OR4D9: variants seen among roughly 807,000 people sequenced by gnomAD.
The protein encoded by OR4D9 is olfactory receptor family 4 subfamily D member 9.
Under a neutral mutation model 0.8 loss-of-function variants are expected in OR4D9, and 2 were observed. The ratio of observed to expected loss-of-function variants is 2.58; its 90% CI spans 1.06 to 8.13. The LOEUF is 8.13. Ranked by LOEUF, OR4D9 falls within the 30% of genes most tolerant of loss-of-function variation. OR4D9 has a pLI of 0.04. For synonymous variants in OR4D9, 146 were observed against 151.2 expected (o/e 0.97, Z 0.25); for missense variants, 399 against 384.7 (o/e 1.04, Z -0.31).
chr11:59,514,903 C>T lies in OR4D9; in HGVS notation c.-10C>T. On this transcript the variant is annotated 5_prime_UTR_variant, in exon 3 of 3. Coordinates refer to ENST00000641962, the MANE Select transcript of OR4D9 (RefSeq NM_001004711.2). ...TCCAGAGATGAACCTGATAAAGGAT[C>T]TGTGATTCAATGGATCAGAGAAATT... 3 of 1,540,282 alleles carry T rather than the reference C, an allele frequency of 1.9e-6. No homozygotes were observed. Among genetic ancestry groups the T allele is most frequent in the Non-Finnish European group, 1.8e-6 (2 of 1,118,772 alleles).
rs768644250 is a variant in OR4D9, at chr11:59,515,675, A to G, written c.763A>G (p.Ile255Val). ...GGTGACCCTGCATTTCGTGCCCTGC[A>G]TCTATGTCTATGCCCGGCCCTTCAC... ...TVVTLHFVPC[I>V]YVYARPFTAL... Residue 255 changes from isoleucine to valine, a missense_variant, in exon 3 of 3, where the codon ATC becomes GTC. By Grantham distance (29) the Ile-to-Val change is conservative. Transcript: ENST00000641962. 3.1e-6 allele frequency: 5 copies of G among 1,613,960 alleles called. No individual in the cohort carries two copies. The highest frequency in any genetic ancestry group is 1.7e-5 in the Admixed American group (1 of 59,976).
rs747965342 is a variant in OR4D9, at chr11:59,515,690, C to A, written c.778C>A (p.Arg260=). Residue 260 remains arginine (R), a synonymous_variant, in exon 3 of 3, where the codon CGG becomes AGG. Transcript: ENST00000641962. ...HFVPCIYVYA[R]PFTALPTDTA... is the part of the protein sequence containing the mutation. ...CGTGCCCTGCATCTATGTCTATGCC[C>A]GGCCCTTCACTGCCCTCCCCACAGA... The A allele has an allele frequency of 6.2e-7, 1 of 1,614,116 alleles. No individual in the cohort carries two copies. Among genetic ancestry groups the A allele is most frequent in the Non-Finnish European group, 8.5e-7 (1 of 1,180,022 alleles).
rs1374847564 is a variant in OR4D9 at position 59,519,450 on chromosome 11, C to G, written c.*3593C>G. On this transcript the variant is annotated 3_prime_UTR_variant, in exon 3 of 3. Transcript: ENST00000641962. ...ATGAAGGAGATGGGGGAAAATTTTTCTTAACTTAAAGGAAGAGGGAAATGA... is the reference window on the plus strand; with the variant it reads ...ATGAAGGAGATGGGGGAAAATTTTTGTTAACTTAAAGGAAGAGGGAAATGA... The G allele has an allele frequency of 6.6e-6, 1 of 151,886 alleles. No individual in the cohort carries two copies. The highest frequency in any genetic ancestry group is 2.4e-5 in the African/African-American group (1 of 41,314). The allele number at this position is 151,886 out of a possible 1,614,324, so 9.4% of individuals were successfully genotyped here.
chr11:59,514,824 G>A (rs1303374883), intron 2 of OR4D9, 58 bp downstream of exon 2: 15 of 884,800 alleles, frequency 1.7e-5, no homozygotes, highest in Non-Finnish European at 2.5e-5. Flanking sequence ...TAAGTGAAAA[G>A]ACAACACTAG....
At position 59,514,950 on chromosome 11, in the gene OR4D9, C is replaced by A. The variant is rs1455807177; in HGVS notation, c.38C>A (p.Thr13Asn). The A allele has an allele frequency of 1.9e-6, 3 of 1,613,358 alleles. No homozygotes were observed. In the Admixed American group the frequency reaches 5.0e-5, roughly 27 times the overall value. ...QRNYTRVKEF[T>N]FLGITQSREL... ...AATTACACCAGAGTGAAAGAATTTA[C>A]CTTCCTGGGAATTACTCAGTCCCGA... The change falls in exon 3 of 3, where the codon ACC (threonine) becomes AAC (asparagine). Residue 13 changes from threonine to asparagine, a missense_variant. Thr to Asn is a moderately conservative substitution (Grantham distance 65). Coordinates refer to ENST00000641962, the MANE Select transcript of OR4D9 (RefSeq NM_001004711.2).
rs1433998124 is a variant in OR4D9, at chr11:59,514,722, TG to T, written c.-72del. The T allele has an allele frequency of 2.0e-6, 1 of 505,394 alleles. No homozygotes were observed. 31.3% of individuals were successfully genotyped at this position (505,394 alleles called of 1,614,324 possible). On this transcript the variant is annotated 5_prime_UTR_variant, in exon 2 of 3. An upstream open reading frame in the 5' UTR gains an earlier in-frame stop. Coordinates refer to ENST00000641962, the MANE Select transcript of OR4D9 (RefSeq NM_001004711.2). ...TCCTGGGATGACTGAATCAAAAACC[TG>T]GGTAATCTTTCATCCAGTGGTGGCA...
intron 1 of OR4D9, among the ~76,000 whole-genome samples, chr11:59,512,707 C>T (rs1441817045): frequency 6.6e-6 from 1 of 151,066 alleles, no homozygotes; most frequent in Non-Finnish European, 1.5e-5. Flanking sequence ...ATGGTACAAC[C>T]TGTAGTCCCA....
intron 1 of OR4D9, among the ~76,000 whole-genome samples, chr11:59,512,271 C>T (rs536659720): frequency 6.6e-6 from 1 of 151,492 alleles, no homozygotes; most frequent in African/African-American, 2.4e-5. Flanking sequence ...AAAGAAGGGT[C>T]CCCTTTGGGA....
At chr11:59,513,390 G>T (rs1475085459) in intron 1 of OR4D9, among the ~76,000 whole-genome samples, 2 of 152,116 alleles carry the variant, frequency 1.3e-5, no homozygotes, top group African/African-American at 4.8e-5. Context: ...ATGCCTACTG[G>T]TGTAAACCAG....
In OR4D9 at chr11:59,515,349, T is replaced by A. The variant is rs1251903605; in HGVS notation, c.437T>A (p.Val146Glu). 1.2e-6 allele frequency: 2 copies of A among 1,614,048 alleles called. No homozygotes were observed. Among genetic ancestry groups the A allele is most frequent in the Admixed American group, 3.3e-5 (2 of 60,014 alleles). ...AGGGGGCGATGCACAGGCCTCATCG[T>A]GGCTTCCTGGGTGGGGGGCTTTGTC... is the stretch of plus-strand genomic sequence containing the variant. Reference protein sequence around the residue: ...MSRGRCTGLIVASWVGGFVHS... With the variant: ...MSRGRCTGLIEASWVGGFVHS... The change falls in exon 3 of 3, where the codon GTG (valine) becomes GAG (glutamate). Residue 146 changes from valine (V) to glutamate (E), a missense_variant. Val to Glu is a moderately radical substitution (Grantham distance 121). Transcript: ENST00000641962.
rs751950581 is a variant in OR4D9, at chr11:59,515,078, C to T, written c.166C>T (p.His56Tyr). 34 of 1,614,048 alleles carry T rather than the reference C, an allele frequency of 2.1e-5. No homozygotes were observed. The highest frequency in any genetic ancestry group is 2.9e-5 in the Non-Finnish European group (34 of 1,180,034). The stretch of plus-strand genomic sequence containing the variant: ...TACAGTTACCTGTGAATCTCACCTT[C>T]ATACGCCCATGTACTTCCTGCTCCG... ...MVTVTCESHL[H>Y]TPMYFLLRNL... Residue 56 changes from histidine (H) to tyrosine (Y), a missense_variant, in exon 3 of 3, where the codon CAT becomes TAT. Transcript: ENST00000641962.
chr11:59,514,365 G>A (rs1859371792), intron 1 of OR4D9, among the ~76,000 whole-genome samples: 1 of 152,076 alleles, frequency 6.6e-6, no homozygotes, highest in Non-Finnish European at 1.5e-5. Context: ...AAGTTGAATT[G>A]GCATTTGGAT....
intron 1 of OR4D9, among the ~76,000 whole-genome samples, chr11:59,513,255 A>G (rs532724972): frequency 6.6e-6 from 1 of 152,132 alleles, no homozygotes; most frequent in East Asian, 1.9e-4. Context: ...TTGTATTTTT[A>G]GTAGAGACGG....
In OR4D9 at chr11:59,515,797, G is replaced by T. The variant is rs1003175355; in HGVS notation, c.885G>T (p.Lys295Asn). The change falls in exon 3 of 3, where the codon AAG (lysine) becomes AAT (asparagine). Residue 295 changes from lysine (K) to asparagine (N), a missense_variant. Lys to Asn is a moderately conservative substitution (Grantham distance 94). Coordinates refer to ENST00000641962, the MANE Select transcript of OR4D9 (RefSeq NM_001004711.2). ...ACACGCTGAGGAATCAGGAAATGAA[G>T]TTGGCCATGAGGAAACTGAAGAGAC... ...IIYTLRNQEM[K>N]LAMRKLKRRL... is the part of the protein sequence containing the mutation. The T allele has an allele frequency of 6.2e-7, 1 of 1,614,176 alleles. No individual in the cohort carries two copies. Among genetic ancestry groups the T allele is most frequent in the Non-Finnish European group, 8.5e-7 (1 of 1,180,024 alleles).
rs1213111419 is a variant in OR4D9, at chr11:59,519,759, C to A, written c.*3902C>A. On this transcript the variant is annotated 3_prime_UTR_variant, in exon 3 of 3. Coordinates refer to ENST00000641962, the MANE Select transcript of OR4D9 (RefSeq NM_001004711.2). Reference sequence around the variant, plus strand: ...AATAAATTATTCTACCAAAAAGACACATGCACCTGTATGTTCACAGTAGCA... The same window carrying A: ...AATAAATTATTCTACCAAAAAGACAAATGCACCTGTATGTTCACAGTAGCA... 6.6e-6 allele frequency: 1 copy of A among 152,224 alleles called. No individual in the cohort carries two copies. Among genetic ancestry groups the A allele is most frequent in the African/African-American group, 2.4e-5 (1 of 41,456 alleles). 9.4% of individuals were successfully genotyped at this position (152,224 alleles called of 1,614,324 possible).
Position 59,515,594 on chromosome 11 carries a change from C to T in OR4D9, c.682C>T (p.His228Tyr). 1.2e-6 allele frequency: 2 copies of T among 1,614,166 alleles called. No homozygotes were observed. Among genetic ancestry groups the T allele is most frequent in the Non-Finnish European group, 1.7e-6 (2 of 1,180,028 alleles). Residue 228 changes from histidine (H) to tyrosine (Y), a missense_variant, in exon 3 of 3, where the codon CAC (histidine) becomes TAC (tyrosine). His to Tyr is a moderately conservative substitution (Grantham distance 83). Transcript: ENST00000641962. ...YTVILMMLRSHTGEGRRKAIS... is the reference protein window; with the variant it reads ...YTVILMMLRSYTGEGRRKAIS... ...GGTCATCTTGATGATGCTGAGGTCT[C>T]ACACTGGGGAAGGCAGGAGGAAAGC... is the stretch of plus-strand genomic sequence containing the variant.
chr11:59,515,403 TC>T lies in OR4D9; in HGVS notation c.494del (p.Pro165HisfsTer34), dbSNP rs762417522. ...TCCATAGCGCAGATTTCTCTATTGC[TC>T]CCACTCCCTTTCTGTGGACCCAATG... ...VHSIAQISLLLPLPFCGPNVL... is the reference protein window; with the variant it reads ...VHSIAQISLLXPLPFCGPNVL... On this transcript the variant is annotated frameshift_variant, in exon 3 of 3. Transcript: ENST00000641962. LOFTEE classifies it low-confidence loss of function (END_TRUNC). 2 of 1,614,154 alleles carry T rather than the reference TC, an allele frequency of 1.2e-6. No homozygotes were observed. The highest frequency in any genetic ancestry group is 2.2e-5 in the East Asian group (1 of 44,882).
chr11:59,515,800 G>A lies in OR4D9; in HGVS notation c.888G>A (p.Leu296=). 3.7e-6 allele frequency: 6 copies of A among 1,614,088 alleles called. No individual in the cohort carries two copies. Among genetic ancestry groups the A allele is most frequent in the Non-Finnish European group, 5.1e-6 (6 of 1,180,014 alleles). ...IYTLRNQEMK[L]AMRKLKRRLG... is the part of the protein sequence containing the mutation. ...CGCTGAGGAATCAGGAAATGAAGTT[G>A]GCCATGAGGAAACTGAAGAGACGGC... is the stretch of plus-strand genomic sequence containing the variant. Residue 296 remains leucine (L), a synonymous_variant, in exon 3 of 3, where the codon TTG becomes TTA. Coordinates refer to ENST00000641962, the MANE Select transcript of OR4D9 (RefSeq NM_001004711.2).
rs75125922 is a variant in OR4D9, at chr11:59,515,365, G to A, written c.453G>A (p.Gly151=). 6.1e-3 allele frequency: 9,919 copies of A among 1,613,908 alleles called. 538 individuals are homozygous for A. The African/African-American group carries it at 0.11, about 18-fold the overall frequency. Residue 151 remains glycine (G), a synonymous_variant, in exon 3 of 3, where the codon GGG becomes GGA. Transcript: ENST00000641962. ...GCCTCATCGTGGCTTCCTGGGTGGG[G>A]GGCTTTGTCCACTCCATAGCGCAGA... ...CTGLIVASWV[G]GFVHSIAQIS...
Sources: gnomAD v4.1 joint callset for allele counts (sites outside exome capture counted in the v4.1 genomes callset) on GRCh38, gnomAD v4.1.1 for gene constraint, MANE v1.5 for transcripts, NCBI Gene and HGNC (gene_info 2026-07-23, HGNC 2026-07-21) for gene names.